The following GPT variants were observed in gnomAD, a reference collection of about 807,000 sequenced individuals.
GPT encodes the protein glutamic--pyruvic transaminase, also known as alanine aminotransferase 1.
A neutral mutation model predicts 51.4 loss-of-function variants in GPT; 60 were observed. The ratio of observed to expected loss-of-function variants is 1.17; its 90% confidence interval spans 0.95 to 1.45. The LOEUF (loss-of-function observed/expected upper bound fraction) is 1.45, where lower values mean the gene tolerates loss of function less well. GPT is among the 40% of genes most tolerant of loss of function. GPT has a pLI of 0.00. For synonymous variants in GPT, 397 were observed against 303.1 expected (o/e 1.31, Z -3.22); for missense variants, 853 against 704.0 (o/e 1.21, Z -2.40).
In GPT at chr8:144,505,445, G is replaced by A. The variant is rs1487980337; in HGVS notation, c.695G>A (p.Cys232Tyr). 1 of 1,598,258 alleles carries A rather than the reference G, an allele frequency of 6.3e-7. No individual in the cohort carries two copies. The highest frequency in any genetic ancestry group is 1.1e-5 in the South Asian group (1 of 88,416). The change falls in exon 5 of 11, where the codon TGC (cysteine) becomes TAC (tyrosine). Residue 232 changes from cysteine (C) to tyrosine (Y), a missense_variant. Physicochemically the swap from Cys to Tyr is radical, Grantham distance 194. Coordinates refer to ENST00000394955, the MANE Select transcript of GPT (RefSeq NM_005309.3). ...GCACTGGGCCAGGCGCGTGACCACT[G>A]CCGCCCTCGTGCGCTCTGTGTCATC... is the stretch of plus-strand genomic sequence containing the variant. Reference protein sequence around the residue: ...HRALGQARDHCRPRALCVINP... With the variant: ...HRALGQARDHYRPRALCVINP...
Position 144,507,149 on chromosome 8 carries a change from A to C in GPT, c.*149A>C. The C allele has an allele frequency of 1.0e-5, 7 of 682,544 alleles. No individual in the cohort carries two copies. Among genetic ancestry groups the C allele is most frequent in the Non-Finnish European group, 1.6e-5 (6 of 376,218 alleles). The allele number at this position is 682,544 out of a possible 1,614,324, so 42.3% of individuals were successfully genotyped here. A position where few individuals can be genotyped will look rare whatever the true frequency, so the allele number is the denominator to read the frequency against. On this transcript the variant is annotated 3_prime_UTR_variant, in exon 11 of 11. Transcript: ENST00000394955. ...CCTGCCTCTCTGCAGGTCCCTAATA[A>C]AGCTGTGTGGCAGTCTGACTCCAGG...
At position 144,506,696 on chromosome 8, in the gene GPT, C is replaced by G. The variant is rs1384705507; in HGVS notation, c.1288-35C>G. The G allele has an allele frequency of 1.3e-6, 2 of 1,596,966 alleles. No individual in the cohort carries two copies. Among genetic ancestry groups the G allele is most frequent in the Non-Finnish European group, 1.7e-6 (2 of 1,173,032 alleles). On this transcript the variant is annotated intron_variant, in intron 9 of 10. Transcript: ENST00000394955. This position sits in a 1 kb window ranked among gnomAD's most constrained non-coding sequence, Gnocchi z 7.0. The stretch of plus-strand genomic sequence containing the variant: ...GGGCCTGCGGGGTGGGCAGGGGGGG[C>G]CGGGCATCCCTCTCTGACGGCTCTC...
intron 3 of GPT, 47 bp downstream of exon 3, chr8:144,504,926 A>AG: frequency 6.2e-7 from 1 of 1,612,822 alleles, no homozygotes; most frequent in South Asian, 1.1e-5. Context: ...CTGCCACTGG[A>AG]GGAGGGAAGT....
Position 144,505,018 on chromosome 8 carries a change from G to A in GPT, c.382G>A (p.Gly128Ser), listed in dbSNP as rs200479839. ...TCCAGGGGCCTACAGCGTCAGCTCCGGCATCCAGCTGATCCGGGAGGACGT... is the reference window on the plus strand; with the variant it reads ...TCCAGGGGCCTACAGCGTCAGCTCCAGCATCCAGCTGATCCGGGAGGACGT... ...HSLGAYSVSS[G>S]IQLIREDVAR... The change falls in exon 4 of 11, where the codon GGC becomes AGC. Residue 128 changes from glycine to serine, a missense_variant. Gly to Ser is a moderately conservative substitution (Grantham distance 56, BLOSUM62 0). Coordinates refer to ENST00000394955, the MANE Select transcript of GPT (RefSeq NM_005309.3). 47 of 1,613,094 alleles carry A rather than the reference G, an allele frequency of 2.9e-5. No homozygotes were observed. The highest frequency in any genetic ancestry group is 4.0e-5 in the African/African-American group (3 of 75,056).
Position 144,506,298 on chromosome 8 carries a change from G to A in GPT, c.1023G>A (p.Leu341=). 1 of 1,594,084 alleles carries A rather than the reference G, an allele frequency of 6.3e-7. No homozygotes were observed. Residue 341 remains leucine (L), a synonymous_variant, in exon 8 of 11, where the codon CTG becomes CTA. Coordinates refer to ENST00000394955, the MANE Select transcript of GPT (RefSeq NM_005309.3). This position sits in a 1 kb window ranked among gnomAD's most constrained non-coding sequence, Gnocchi z 7.0. ...ACGCTGCAGTGCAGCAGCAGATGCT[G>A]AAGCTGATGAGTGTGCGGCTGTGCC... The part of the protein sequence containing the change: ...NMDAAVQQQM[L]KLMSVRLCPP...
rs1586773951 is a variant in GPT, at chr8:144,505,643, C to T, written c.739+154C>T. Among the ~76,000 whole-genome samples, 9 of 69,576 alleles carry T rather than the reference C, an allele frequency of 1.3e-4. No homozygotes were observed. In the South Asian group the frequency reaches 5.2e-3, roughly 40 times the overall value. The allele number at this position is 69,576 out of a possible 152,430, so 45.6% of individuals were successfully genotyped here. ...GCGTTCCCCGCCGCCCCGCCCCACT[C>T]CCCCCGCGCCCACGGTGCGTTCCCC... On this transcript the variant is annotated intron_variant, in intron 5 of 10. Transcript: ENST00000394955.
chr8:144,505,098 C>T lies in GPT; in HGVS notation c.462C>T (p.Val154=), dbSNP rs753047103. The T allele has an allele frequency of 4.3e-6, 7 of 1,613,038 alleles. No homozygotes were observed. The African/African-American group carries it at 9.3e-5, about 22-fold the overall frequency. Residue 154 remains valine, a synonymous_variant, in exon 4 of 11, where the codon GTC becomes GTT. Transcript: ENST00000394955. The part of the protein sequence containing the change: ...DGGIPADPNN[V]FLSTGASDAI... The stretch of plus-strand genomic sequence containing the variant: ...GCATCCCTGCGGACCCCAACAACGT[C>T]TTCCTGTCCACAGGGGCCAGCGATG...
chr8:144,506,548 C>G lies in GPT; in HGVS notation c.1179C>G (p.Thr393=), dbSNP rs777058322. 1.3e-6 allele frequency: 2 copies of G among 1,591,684 alleles called. No individual in the cohort carries two copies. Among genetic ancestry groups the G allele is most frequent in the Non-Finnish European group, 1.7e-6 (2 of 1,170,398 alleles). Residue 393 remains threonine, a synonymous_variant, in exon 9 of 11, where the codon ACC becomes ACG. Coordinates refer to ENST00000394955, the MANE Select transcript of GPT (RefSeq NM_005309.3). The surrounding 1 kb of genome is among the most constrained non-coding windows in gnomAD (Gnocchi z 7.0). The part of the protein sequence containing the change: ...LAELAAKAKL[T]EQVFNEAPGI... ...AGCTGGCGGCCAAGGCCAAGCTCACCGAGCAGGTCTTCAATGAGGCTCCTG... is the reference window on the plus strand; with the variant it reads ...AGCTGGCGGCCAAGGCCAAGCTCACGGAGCAGGTCTTCAATGAGGCTCCTG...
In GPT at chr8:144,505,562, C is replaced by T. The variant is rs1375355951; in HGVS notation, c.739+73C>T. 9.1e-6 allele frequency: 9 copies of T among 986,900 alleles called. No individual in the cohort carries two copies. The African/African-American group carries it at 1.8e-4, about 20-fold the overall frequency. 61.1% of individuals were successfully genotyped at this position (986,900 alleles called of 1,614,324 possible). ...TTCCCCGCCGCCCCGCCCCACTCCC[C>T]CCGCGCCCACGGTGCGTTCCCCGCC... On this transcript the variant is annotated intron_variant, in intron 5 of 10. Coordinates refer to ENST00000394955, the MANE Select transcript of GPT (RefSeq NM_005309.3).
Position 144,506,855 on chromosome 8 carries a change from C to A in GPT, c.1400+12C>A. 1 of 1,611,142 alleles carries A rather than the reference C, an allele frequency of 6.2e-7. No homozygotes were observed. Among genetic ancestry groups the A allele is most frequent in the Non-Finnish European group, 8.5e-7 (1 of 1,178,398 alleles). The stretch of plus-strand genomic sequence containing the variant: ...ACCTACCACTTCCGGTGAGGCCTGG[C>A]CCTCACTCCCTGTCCCGCCACCCTG... On this transcript the variant is annotated intron_variant, in intron 10 of 10. Transcript: ENST00000394955. This position sits in a 1 kb window ranked among gnomAD's most constrained non-coding sequence, Gnocchi z 7.0.
At position 144,506,715 on chromosome 8, in the gene GPT, G is replaced by T. The variant is rs369157167; in HGVS notation, c.1288-16G>T. The T allele has an allele frequency of 1.2e-6, 2 of 1,608,914 alleles. No homozygotes were observed. Among genetic ancestry groups the T allele is most frequent in the Admixed American group, 3.3e-5 (2 of 59,866 alleles). ...GGGGGGCCGGGCATCCCTCTCTGAC[G>T]GCTCTCCGTCCACAGGAGCTGGGCC... On this transcript the variant is annotated splice_polypyrimidine_tract_variant and intron_variant, in intron 9 of 10. Coordinates refer to ENST00000394955, the MANE Select transcript of GPT (RefSeq NM_005309.3). The surrounding 1 kb of genome is among the most constrained non-coding windows in gnomAD (Gnocchi z 7.0).
chr8:144,504,414 T>C lies in GPT; in HGVS notation c.110T>C (p.Val37Ala), dbSNP rs747620337. 4.3e-6 allele frequency: 7 copies of C among 1,611,460 alleles called. No homozygotes were observed. The highest frequency in any genetic ancestry group is 2.2e-5 in the South Asian group (2 of 91,086). The part of the protein sequence containing the change: ...NPRVRRVEYA[V>A]RGPIVQRALE... ...CGTGTGCGGAGAGTGGAGTACGCAG[T>C]GCGTGGCCCCATAGTGCAGCGAGCC... is the stretch of plus-strand genomic sequence containing the variant. Residue 37 changes from valine to alanine, a missense_variant, in exon 1 of 11, where the codon GTG becomes GCG. Physicochemically the swap from Val to Ala is moderately conservative, Grantham distance 64. Coordinates refer to ENST00000394955, the MANE Select transcript of GPT (RefSeq NM_005309.3).
In GPT at chr8:144,505,486, A is replaced by G. The variant is rs750442911; in HGVS notation, c.736A>G (p.Thr246Ala). The change falls in exon 5 of 11, where the codon ACC (threonine) becomes GCC (alanine). Residue 246 changes from threonine (T) to alanine (A), a missense_variant. Thr to Ala is a moderately conservative substitution (Grantham distance 58). Coordinates refer to ENST00000394955, the MANE Select transcript of GPT (RefSeq NM_005309.3). ...ALCVINPGNP[T>A]GQVQTRECIE... Reference sequence around the variant, plus strand: ...CTGTGTCATCAACCCTGGCAACCCCACCGGTGCGTTCCCCGCCGCCCCGCC... The same window carrying G: ...CTGTGTCATCAACCCTGGCAACCCCGCCGGTGCGTTCCCCGCCGCCCCGCC... 5 of 1,568,072 alleles carry G rather than the reference A, an allele frequency of 3.2e-6. No homozygotes were observed. In the South Asian group the frequency reaches 3.5e-5, roughly 11 times the overall value.
Position 144,505,946 on chromosome 8 carries a change from C to A in GPT, c.819+19C>A. The A allele has an allele frequency of 1.2e-6, 2 of 1,611,438 alleles. No individual in the cohort carries two copies. Among genetic ancestry groups the A allele is most frequent in the Non-Finnish European group, 1.7e-6 (2 of 1,179,396 alleles). The stretch of plus-strand genomic sequence containing the variant: ...GGACGAGGTGCGCGGCGCGGGGGAG[C>A]GGGAAGCCGGGCAACAGTCCGCCCC... On this transcript the variant is annotated intron_variant, in intron 6 of 10. Coordinates refer to ENST00000394955, the MANE Select transcript of GPT (RefSeq NM_005309.3).
At position 144,504,861 on chromosome 8, in the gene GPT, T is replaced by C; in HGVS notation, c.343T>C (p.Cys115Arg). 1 of 1,613,242 alleles carries C rather than the reference T, an allele frequency of 6.2e-7. No individual in the cohort carries two copies. The highest frequency in any genetic ancestry group is 8.5e-7 in the Non-Finnish European group (1 of 1,180,000). ...AAGGGCGGAGCGCATCTTGCAGGCG[T>C]GTGGGGGCCACAGTCTGGGTGAGAG... is the stretch of plus-strand genomic sequence containing the variant. ...KKRAERILQA[C>R]GGHSLGAYSV... is the part of the protein sequence containing the mutation. Residue 115 changes from cysteine (C) to arginine (R), a missense_variant, in exon 3 of 11, where the codon TGT (cysteine) becomes CGT (arginine). By Grantham distance (180) the Cys-to-Arg change is radical. Coordinates refer to ENST00000394955, the MANE Select transcript of GPT (RefSeq NM_005309.3).
At chr8:144,505,545 C>T (rs1236574843) in intron 5 of GPT, 56 bp downstream of exon 5, 111 of 1,283,402 alleles carry the variant, frequency 8.6e-5, no homozygotes, top group Non-Finnish European at 1.9e-5. Flanking sequence ...CGTTCCCCGC[C>T]GCCCCGCCCC....
rs372169605 is a variant in GPT, at chr8:144,504,983, C to G, written c.362-15C>G. ...ACTTCACCTGTACTTCCCATCCTGT[C>G]CTGCCCGAGTCCAGGGGCCTACAGC... On this transcript the variant is annotated splice_polypyrimidine_tract_variant and intron_variant, in intron 3 of 10. Transcript: ENST00000394955. 6.2e-7 allele frequency: 1 copy of G among 1,613,052 alleles called. No individual in the cohort carries two copies. The highest frequency in any genetic ancestry group is 1.3e-5 in the African/African-American group (1 of 75,062).
Position 144,504,839 on chromosome 8 carries a change from G to A in GPT, c.321G>A (p.Arg107=), listed in dbSNP as rs561319762. ...SPNFPDDAKK[R]AERILQACGG... The stretch of plus-strand genomic sequence containing the variant: ...ACTTCCCTGACGATGCCAAGAAAAG[G>A]GCGGAGCGCATCTTGCAGGCGTGTG... The change falls in exon 3 of 11, where the codon AGG becomes AGA. Residue 107 remains arginine, a synonymous_variant. Coordinates refer to ENST00000394955, the MANE Select transcript of GPT (RefSeq NM_005309.3). The A allele has an allele frequency of 6.2e-7, 1 of 1,613,554 alleles. No homozygotes were observed. Among genetic ancestry groups the A allele is most frequent in the Admixed American group, 1.7e-5 (1 of 60,032 alleles).
In GPT at chr8:144,506,119, G is replaced by A. The variant is rs1826787938; in HGVS notation, c.944G>A (p.Gly315Asp). ...GCCTCCTTCCACTCCACCTCCAAGG[G>A]CTACATGGGCGAGTGCGTGCGTACG... ...ELASFHSTSK[G>D]YMGECGFRGG... Residue 315 changes from glycine (G) to aspartate (D), a missense_variant, in exon 7 of 11, where the codon GGC (glycine) becomes GAC (aspartate). Gly to Asp is a moderately conservative substitution (Grantham distance 94). Transcript: ENST00000394955. The surrounding 1 kb of genome is among the most constrained non-coding windows in gnomAD (Gnocchi z 7.0). The A allele has an allele frequency of 2.5e-6, 4 of 1,612,058 alleles. No individual in the cohort carries two copies. In the East Asian group the frequency reaches 8.9e-5, roughly 36 times the overall value.
Sources: allele counts gnomAD v4.1 joint callset (sites outside exome capture counted in the v4.1 genomes callset), GRCh38; gene constraint gnomAD v4.1.1; non-coding constraint Gnocchi (gnomAD v3.1); transcripts MANE v1.5; gene names NCBI Gene and HGNC (gene_info 2026-07-23, HGNC 2026-07-21).